The following WRN variants were observed in gnomAD, a reference collection of about 807,000 sequenced individuals.
WRN encodes the protein WRN RecQ like helicase, also known as bifunctional 3'-5' exonuclease/ATP-dependent helicase WRN.
WRN carries 149 observed loss-of-function variants against 180.7 expected under a neutral mutation model. The observed-to-expected ratio is 0.82, with a 90% CI of 0.72 to 0.94. The LOEUF is 0.94. Among genes scored for constraint, WRN ranks in the 40% least tolerant of loss-of-function variants. WRN has a pLI of 0.00. For missense variants in WRN, 1,661 were observed against 1,700.1 expected (o/e 0.98, Z 0.40); for synonymous variants, 548 against 568.9 (o/e 0.96, Z 0.52).
intron 31 of WRN, 51 bp from the exon 32 acceptor site, chr8:31,154,573 A>G (rs1284957430): frequency 1.3e-6 from 2 of 1,552,756 alleles, no homozygotes; most frequent in Non-Finnish European, 1.8e-6. Context: ...CATATATTCT[A>G]TTATTGTATT....
intron 1 of WRN, among the ~76,000 whole-genome samples, chr8:31,035,420 A>C (rs1044502468): frequency 1.3e-5 from 2 of 152,120 alleles, no homozygotes; most frequent in African/African-American, 4.8e-5. Context: ...GAGGAGAAGA[A>C]AGTACAAAGG....
Position 31,116,513 on chromosome 8 carries a change from A to G in WRN, c.2433A>G (p.Val811=). The change falls in exon 20 of 35, where the codon GTA becomes GTG. Residue 811 remains valine (V), a synonymous_variant. Coordinates refer to ENST00000298139, the MANE Select transcript of WRN (RefSeq NM_000553.6). ...GGAAAGACATTCATCATAGGTTTGT[A>G]AGAGATGAAATTCAGGTATGAGGAT... is the stretch of plus-strand genomic sequence containing the variant. The part of the protein sequence containing the change: ...STRKDIHHRF[V]RDEIQCVIAT... The G allele has an allele frequency of 6.2e-7, 1 of 1,613,936 alleles. No individual in the cohort carries two copies. The highest frequency in any genetic ancestry group is 8.5e-7 in the Non-Finnish European group (1 of 1,179,880).
intron 23 of WRN, among the ~76,000 whole-genome samples, chr8:31,125,456 A>T (rs1293461195): frequency 6.7e-6 from 1 of 148,180 alleles, no homozygotes; most frequent in Non-Finnish European, 1.5e-5. Flanking sequence ...ATAAAGAAGG[A>T]TATTATATGA....
chr8:31,044,030 A>G (rs1389424924), intron 1 of WRN, among the ~76,000 whole-genome samples: 1 of 151,934 alleles, frequency 6.6e-6, no homozygotes, highest in Non-Finnish European at 1.5e-5. Flanking sequence ...TATACATAGA[A>G]TTTCATTTTC....
At position 31,147,146 on chromosome 8, in the gene WRN, A is replaced by G. The variant is rs1563380169; in HGVS notation, c.3459+18A>G. ...AGACTCAGGTAAGGCTTTTGTAAAA[A>G]GGTAATTAGTTTATGATAGGATAGT... On this transcript the variant is annotated intron_variant, in intron 29 of 34. Transcript: ENST00000298139. The G allele has an allele frequency of 5.0e-6, 8 of 1,610,636 alleles. No individual in the cohort carries two copies. The highest frequency in any genetic ancestry group is 6.8e-6 in the Non-Finnish European group (8 of 1,176,896).
intron 33 of WRN, among the ~76,000 whole-genome samples, chr8:31,159,369 G>C (rs768869917): frequency 1.3e-4 from 20 of 151,818 alleles, no homozygotes; most frequent in Non-Finnish European, 2.2e-4. Flanking sequence ...AAGGAACAAT[G>C]GTTGAAAAGG....
chr8:31,140,905 G>A (rs1315731198), intron 24 of WRN, among the ~76,000 whole-genome samples: 1 of 152,134 alleles, frequency 6.6e-6, no homozygotes, highest in Non-Finnish European at 1.5e-5. Flanking sequence ...ACAGGTGCCC[G>A]CCACAACACC....
chr8:31,110,910 T>C (rs1359553190), intron 18 of WRN, among the ~76,000 whole-genome samples: 1 of 152,200 alleles, frequency 6.6e-6, no homozygotes, highest in Non-Finnish European at 1.5e-5. Flanking sequence ...GTTGTTACCG[T>C]ACCTTAGAAT....
chr8:31,092,048 A>G, intron 16 of WRN, 150 bp downstream of exon 16: 2 of 710,730 alleles, frequency 2.8e-6, no homozygotes. Flanking sequence ...GGTATATGAG[A>G]GAATTTTGTA....
At chr8:31,166,330 G>A (rs1312709301) in intron 33 of WRN, among the ~76,000 whole-genome samples, 4 of 152,110 alleles carry the variant, frequency 2.6e-5, no homozygotes, top group Admixed American at 1.3e-4. Context: ...GGAAGGAAGT[G>A]CTGAAACATA....
At chr8:31,140,023 T>G (rs1316752395) in intron 24 of WRN, among the ~76,000 whole-genome samples, 1 of 129,072 alleles carries the variant, frequency 7.7e-6, no homozygotes, top group East Asian at 2.3e-4. Context: ...TTTTTTTTTT[T>G]TTTTTTTTTT....
At position 31,157,544 on chromosome 8, in the gene WRN, C is replaced by T. The variant is rs1366755824; in HGVS notation, c.3982+14C>T. The T allele has an allele frequency of 6.2e-7, 1 of 1,613,732 alleles. No homozygotes were observed. The highest frequency in any genetic ancestry group is 8.5e-7 in the Non-Finnish European group (1 of 1,179,942). ...CCGTCAACTCAGGTGAGAGGCATGG[C>T]CTAGCTCTGCACCCTTAATGACTTG... On this transcript the variant is annotated intron_variant, in intron 33 of 34. Coordinates refer to ENST00000298139, the MANE Select transcript of WRN (RefSeq NM_000553.6).
At chr8:31,085,579 C>T (rs1563341612) in intron 11 of WRN, among the ~76,000 whole-genome samples, 1 of 151,956 alleles carries the variant, frequency 6.6e-6, no homozygotes, top group Non-Finnish European at 1.5e-5. Flanking sequence ...AAGTGATTCT[C>T]CTGCATGAGC....
intron 7 of WRN, among the ~76,000 whole-genome samples, chr8:31,070,212 TTTCCTTCCTTCC>T (rs1243152392): frequency 2.0e-5 from 3 of 151,850 alleles, no homozygotes; most frequent in Admixed American, 2.0e-4. Flanking sequence ...ACCATCTTTT[TTTCCTTCCTTCC>T]TCCCTTCCTT....
At chr8:31,095,545 C>T (rs771563571) in intron 16 of WRN, among the ~76,000 whole-genome samples, 6 of 152,088 alleles carry the variant, frequency 3.9e-5, no homozygotes, top group Non-Finnish European at 7.4e-5. Flanking sequence ...TTTAGATTTA[C>T]GATTCATTTT....
At chr8:31,154,059 TA>T (rs1454537766) in intron 31 of WRN, among the ~76,000 whole-genome samples, 2 of 152,008 alleles carry the variant, frequency 1.3e-5, no homozygotes, top group Non-Finnish European at 2.9e-5. Flanking sequence ...AAGATTCCAT[TA>T]TTTTTTCATT....
chr8:31,085,172 T>C lies in WRN; in HGVS notation c.1357T>C (p.Ser453Pro). 6.2e-7 allele frequency: 1 copy of C among 1,613,010 alleles called. No homozygotes were observed. The highest frequency in any genetic ancestry group is 8.5e-7 in the Non-Finnish European group (1 of 1,179,366). ...DLEMEMLKHL[S>P]PNDNENDTSY... ...TTAATACTTTTTTTTAAAGCATTTA[T>C]CTCCCAATGATAATGAAAACGATAC... Residue 453 changes from serine (S) to proline (P), a missense_variant, in exon 11 of 35, where the codon TCT becomes CCT. By Grantham distance (74) the Ser-to-Pro change is moderately conservative. Around this residue, in one of 3 missense-constraint regions of WRN, gnomAD observed 20 missense variants for 46.7 expected, o/e 0.43. Transcript: ENST00000298139.
At chr8:31,088,502 G>C (rs1208447301) in intron 12 of WRN, among the ~76,000 whole-genome samples, 9 of 152,046 alleles carry the variant, frequency 5.9e-5, no homozygotes, top group Non-Finnish European at 5.9e-5. Context: ...TATTTTATCT[G>C]TGGATTTTTT....
rs538898629 is a variant in WRN, at chr8:31,175,523, G to T, written c.*2421G>T. Among the ~76,000 whole-genome samples, 1 of 152,294 alleles carries T rather than the reference G, an allele frequency of 6.6e-6. No individual in the cohort carries two copies. Among genetic ancestry groups the T allele is most frequent in the East Asian group, 1.9e-4 (1 of 5,188 alleles). ...ATTTGATATATTTGAATATAACAGA[G>T]TATGAAAAAGTTTATTGATATAGTT... On this transcript the variant is annotated 3_prime_UTR_variant, in exon 35 of 35. Transcript: ENST00000298139.
Sources: gnomAD v4.1 joint callset for allele counts (sites outside exome capture counted in the v4.1 genomes callset) on GRCh38, gnomAD v4.1.1 for gene constraint, gnomAD v4.1.1 regional missense constraint, MANE v1.5 for transcripts, NCBI Gene and HGNC (gene_info 2026-07-23, HGNC 2026-07-21) for gene names.